Variants in ULK2 observed in about 807,000 individuals in gnomAD.
ULK2 encodes the protein unc-51 like autophagy activating kinase 2.
ULK2 carries 76 observed loss-of-function variants against 127.5 expected under a neutral mutation model. The observed-to-expected ratio is 0.60, with a 90% CI of 0.50 to 0.72. The LOEUF (loss-of-function observed/expected upper bound fraction) is 0.72, where lower values mean the gene tolerates loss of function less well. Among genes scored for constraint, ULK2 ranks in the 30% least tolerant of loss-of-function variants. ULK2 has a pLI of 0.00. For synonymous variants in ULK2, 452 were observed against 461.9 expected, an observed-to-expected ratio of 0.98 and a Z score of 0.28; for missense variants, 1,144 against 1,295.9, an observed-to-expected ratio of 0.88 and a Z score of 1.80.
chr17:19,804,369 A>T (rs185633550), intron 15 of ULK2, among the ~76,000 whole-genome samples: 1 of 152,254 alleles, frequency 6.6e-6, no homozygotes, highest in Non-Finnish European at 1.5e-5. Context: ...AATCTGCTAC[A>T]ACTGGTGGGA....
At chr17:19,795,106 C>G (rs2087239292) in intron 20 of ULK2, among the ~76,000 whole-genome samples, 1 of 151,682 alleles carries the variant, frequency 6.6e-6, no homozygotes, top group Admixed American at 6.6e-5. Flanking sequence ...AAAATTTAAG[C>G]AAGCAAGTCT....
intron 10 of ULK2, among the ~76,000 whole-genome samples, chr17:19,837,054 C>T (rs2041616076): frequency 6.6e-6 from 1 of 151,688 alleles, no homozygotes; most frequent in Non-Finnish European, 1.5e-5. Flanking sequence ...CCACTGCATT[C>T]CAGTCCAGCC....
At position 19,834,746 on chromosome 17, in the gene ULK2, C is replaced by G. The variant is rs183150782; in HGVS notation, c.787+3755G>C. ...GGGCAACATGGCAAAAACCTCTCTA[C>G]AAAAAATTTAAAAATTAGCTGGGCA... On this transcript the variant is annotated intron_variant, in intron 10 of 26. Coordinates refer to ENST00000395544, the MANE Select transcript of ULK2 (RefSeq NM_014683.4). 1.1e-4 allele frequency among the ~76,000 whole-genome samples: 17 copies of G among 151,936 alleles called. No individual in the cohort carries two copies. The East Asian group carries it at 2.9e-3, about 26-fold the overall frequency.
chr17:19,823,916 T>C (rs575358089), intron 12 of ULK2, among the ~76,000 whole-genome samples: 55 of 152,362 alleles, frequency 3.6e-4, no homozygotes, highest in African/African-American at 1.3e-3. Context: ...CATCTGCATC[T>C]GCTTTACCTA....
chr17:19,792,240 T>C (rs982863029), intron 20 of ULK2, among the ~76,000 whole-genome samples: 1 of 151,986 alleles, frequency 6.6e-6, no homozygotes, highest in African/African-American at 2.4e-5. Context: ...AACAAATAAA[T>C]GAAATTGAAA....
chr17:19,857,688 C>T (rs958335076), intron 3 of ULK2, among the ~76,000 whole-genome samples: 1 of 152,160 alleles, frequency 6.6e-6, no homozygotes, highest in Non-Finnish European at 1.5e-5. Flanking sequence ...GCTCAGAGTG[C>T]TCTAGGAGAT....
rs985439207 is a variant in ULK2, at chr17:19,807,979, A to T, written c.1157+2399T>A. Among the ~76,000 whole-genome samples the T allele has an allele frequency of 2.0e-5, 3 of 152,104 alleles. No homozygotes were observed. The East Asian group carries it at 5.8e-4, about 29-fold the overall frequency. On this transcript the variant is annotated intron_variant, in intron 14 of 26. Transcript: ENST00000395544. ...AAATTAGCCAGGCGTGGTGGCGGGT[A>T]CCTGTAATCCCAGCTACCCTGGAGG...
chr17:19,776,241 C>T lies in ULK2; in HGVS notation c.*108G>A. 1 of 913,522 alleles carries T rather than the reference C, an allele frequency of 1.1e-6. No homozygotes were observed. The highest frequency in any genetic ancestry group is 1.6e-6 in the Non-Finnish European group (1 of 635,806). 56.6% of individuals were successfully genotyped at this position (913,522 alleles called of 1,614,324 possible). A position where few individuals can be genotyped will look rare whatever the true frequency, so the allele number is the denominator to read the frequency against. Reference sequence around the variant, plus strand: ...TCACTGCTTGTTCTTTGGTAGTCACCAGTTAAGAAGCTACAGTTTCCTGGG... The same window carrying T: ...TCACTGCTTGTTCTTTGGTAGTCACTAGTTAAGAAGCTACAGTTTCCTGGG... On this transcript the variant is annotated 3_prime_UTR_variant, in exon 27 of 27. Coordinates refer to ENST00000395544, the MANE Select transcript of ULK2 (RefSeq NM_014683.4).
chr17:19,859,517 C>G (rs1414082823), intron 3 of ULK2, among the ~76,000 whole-genome samples: 8 of 152,180 alleles, frequency 5.3e-5, no homozygotes, highest in Non-Finnish European at 5.9e-5. Context: ...TTGGTATAAT[C>G]TTTTAAAAGA....
intron 3 of ULK2, among the ~76,000 whole-genome samples, chr17:19,858,746 G>T (rs1177711156): frequency 6.6e-6 from 1 of 152,196 alleles, no homozygotes; most frequent in Non-Finnish European, 1.5e-5. Flanking sequence ...GAAGCAGGTG[G>T]ACCACTTGAA....
chr17:19,830,258 G>A (rs908276638), intron 10 of ULK2, among the ~76,000 whole-genome samples: 1 of 152,032 alleles, frequency 6.6e-6, no homozygotes, highest in Non-Finnish European at 1.5e-5. Flanking sequence ...CTGGAATGCA[G>A]TGGTGCAATT....
chr17:19,777,063 A>G (rs1439995249), intron 26 of ULK2, among the ~76,000 whole-genome samples: 1 of 151,978 alleles, frequency 6.6e-6, no homozygotes, highest in Non-Finnish European at 1.5e-5. Flanking sequence ...ATATCTATCT[A>G]TGTATCTATG....
In ULK2 at chr17:19,796,300, T is replaced by C. The variant is rs1355696255; in HGVS notation, c.1810-18A>G. The stretch of plus-strand genomic sequence containing the variant: ...GCTGTGGTCTAAAGAGACATATATA[T>C]ATATATATATGTAAACTAGTTAATA... On this transcript the variant is annotated intron_variant, in intron 18 of 26. Transcript: ENST00000395544. The C allele has an allele frequency of 8.9e-6, 14 of 1,577,832 alleles. No homozygotes were observed. The highest frequency in any genetic ancestry group is 1.2e-5 in the Non-Finnish European group (14 of 1,164,174).
chr17:19,829,978 A>G (rs2041398456), intron 10 of ULK2, among the ~76,000 whole-genome samples: 1 of 152,196 alleles, frequency 6.6e-6, no homozygotes. Flanking sequence ...TTTGTACAAT[A>G]ATAGTTGGAG....
intron 13 of ULK2, among the ~76,000 whole-genome samples, chr17:19,815,238 T>C (rs1482555409): frequency 6.6e-6 from 1 of 151,966 alleles, no homozygotes; most frequent in Admixed American, 6.6e-5. Context: ...TTAGCTGTAC[T>C]TAACAGCATT....
At position 19,781,911 on chromosome 17, in the gene ULK2, T is replaced by C; in HGVS notation, c.2617A>G (p.Ser873Gly). The part of the protein sequence containing the change: ...IQESVVVDQI[S>G]QLSKDWGRVE... ...CACCCCCAGTCTTTGCTCAGCTGAC[T>C]GATCTGGTCCACCACCACACTCTCC... Residue 873 changes from serine to glycine, a missense_variant, in exon 23 of 27, where the codon AGT becomes GGT. Transcript: ENST00000395544. 6.2e-7 allele frequency: 1 copy of C among 1,614,000 alleles called. No homozygotes were observed.
chr17:19,794,794 G>C (rs979320947), intron 20 of ULK2, among the ~76,000 whole-genome samples: 1 of 151,836 alleles, frequency 6.6e-6, no homozygotes, highest in African/African-American at 2.4e-5. Context: ...TCACCTGGGA[G>C]TGTATTACAC....
At chr17:19,845,974 T>C (rs1363061933) in intron 6 of ULK2, among the ~76,000 whole-genome samples, 2 of 151,336 alleles carry the variant, frequency 1.3e-5, no homozygotes, top group African/African-American at 4.9e-5. Flanking sequence ...AAAAATTAGC[T>C]GGGTGTGGTG....
At chr17:19,826,208 C>A in intron 10 of ULK2, 22 bp from the exon 11 acceptor site, 2 of 1,399,412 alleles carry the variant, frequency 1.4e-6, no homozygotes, top group South Asian at 1.7e-5. Context: ...AATGAGAATG[C>A]AACCTTTAAA....
Sources: gnomAD v4.1 joint callset for allele counts (sites outside exome capture counted in the v4.1 genomes callset) on GRCh38, gnomAD v4.1.1 for gene constraint, MANE v1.5 for transcripts, NCBI Gene and HGNC (gene_info 2026-07-23, HGNC 2026-07-21) for gene names.